Variants in ARHGAP31 observed in about 807,000 individuals in gnomAD.
ARHGAP31 encodes the protein Rho GTPase activating protein 31, also known as rho GTPase-activating protein 31.
A neutral mutation model predicts 113.9 loss-of-function variants in ARHGAP31; 34 were observed. The ratio of observed to expected loss-of-function variants is 0.30; its 90% confidence interval spans 0.23 to 0.40. ARHGAP31 has a LOEUF of 0.40. ARHGAP31 is among the 10% of genes least tolerant of loss of function. The pLI, the probability that ARHGAP31 is intolerant of heterozygous loss-of-function variation, is 1.00. For synonymous variants in ARHGAP31, 650 were observed against 684.8 expected, an observed-to-expected ratio of 0.95 and a Z score of 0.79; for missense variants, 1,548 against 1,767.1, an observed-to-expected ratio of 0.88 and a Z score of 2.22.
chr3:119,334,948 G>A (rs1187948020), intron 1 of ARHGAP31, among the ~76,000 whole-genome samples: 1 of 152,122 alleles, frequency 6.6e-6, no homozygotes, highest in Non-Finnish European at 1.5e-5. Flanking sequence ...TGACCAGTAA[G>A]ATAAAGGAAT....
rs74280520 is a variant in ARHGAP31, at chr3:119,312,520, G to A, written c.100+17516G>A. ...TTCCCCAGTTTGAGAAACAATGCAG[G>A]ATGTGATTTAATAAGGAATAAACAC... On this transcript the variant is annotated intron_variant, in intron 1 of 11. Coordinates refer to ENST00000264245, the MANE Select transcript of ARHGAP31 (RefSeq NM_020754.4). Among the ~76,000 whole-genome samples the A allele has an allele frequency of 5.6e-3, 847 of 152,218 alleles. 15 individuals are homozygous for A. The East Asian group carries it at 0.061, about 11-fold the overall frequency.
At chr3:119,378,054 C>T (rs1406593826) in intron 3 of ARHGAP31, among the ~76,000 whole-genome samples, 2 of 152,092 alleles carry the variant, frequency 1.3e-5, no homozygotes, top group Non-Finnish European at 2.9e-5. Context: ...CAGCGTCCTC[C>T]AAGGGCAGGA....
intron 1 of ARHGAP31, among the ~76,000 whole-genome samples, chr3:119,321,100 T>G (rs1411818063): frequency 2.0e-5 from 3 of 152,092 alleles, no homozygotes. Context: ...ATCAGCAGTG[T>G]GAAAACGAAC....
intron 1 of ARHGAP31, among the ~76,000 whole-genome samples, chr3:119,323,035 A>C (rs1299290269): frequency 2.0e-5 from 3 of 152,072 alleles, no homozygotes; most frequent in Non-Finnish European, 2.9e-5. Context: ...CAGCAACGTC[A>C]AGGCCACGTT....
chr3:119,406,646 T>C (rs966152886), intron 10 of ARHGAP31, among the ~76,000 whole-genome samples: 1 of 152,194 alleles, frequency 6.6e-6, no homozygotes, highest in Non-Finnish European at 1.5e-5. Flanking sequence ...AAGGCACCTA[T>C]CTCAGATGTC....
At chr3:119,337,493 A>G (rs920674388) in intron 1 of ARHGAP31, among the ~76,000 whole-genome samples, 4 of 152,224 alleles carry the variant, frequency 2.6e-5, no homozygotes, top group African/African-American at 9.6e-5. Flanking sequence ...CAAAGCTTCC[A>G]CAATACTGAC....
chr3:119,295,021 T>C lies in ARHGAP31; in HGVS notation c.100+17T>C, dbSNP rs954190924. On this transcript the variant is annotated intron_variant, in intron 1 of 11. Transcript: ENST00000264245. ...GACAGGATGGTAATGTGCCTTGGCC[T>C]TTCTCCCCCGCCCCCACCTTCTTTT... The C allele has an allele frequency of 1.9e-6, 3 of 1,611,056 alleles. No homozygotes were observed. The highest frequency in any genetic ancestry group is 2.5e-6 in the Non-Finnish European group (3 of 1,177,556).
chr3:119,378,345 G>A (rs916258985), intron 3 of ARHGAP31, among the ~76,000 whole-genome samples: 1 of 152,142 alleles, frequency 6.6e-6, no homozygotes, highest in Admixed American at 6.5e-5. Flanking sequence ...TTCTGGAGAG[G>A]GTTGGGGTAG....
At chr3:119,367,995 C>G (rs573174253) in intron 2 of ARHGAP31, among the ~76,000 whole-genome samples, 1 of 152,094 alleles carries the variant, frequency 6.6e-6, no homozygotes, top group Non-Finnish European at 1.5e-5. Context: ...GTTTCGGTCT[C>G]TCCTGTAAGA....
chr3:119,305,156 A>G (rs1034808047), intron 1 of ARHGAP31, among the ~76,000 whole-genome samples: 1 of 152,214 alleles, frequency 6.6e-6, no homozygotes, highest in Non-Finnish European at 1.5e-5. Flanking sequence ...TCTGTGCAAC[A>G]TTAAATTCTC....
chr3:119,355,656 C>A (rs1269701351), intron 1 of ARHGAP31, among the ~76,000 whole-genome samples: 1 of 152,068 alleles, frequency 6.6e-6, no homozygotes, highest in East Asian at 1.9e-4. Flanking sequence ...TCACGACAGG[C>A]CCCGGTGTGT....
chr3:119,332,627 TCTCTCTCTCACACACA>T (rs1455476022), intron 1 of ARHGAP31, among the ~76,000 whole-genome samples: 35 of 121,312 alleles, frequency 2.9e-4, no homozygotes, highest in African/African-American at 1.1e-3. Context: ...TCTCTCTCTC[TCTCTCTCTCACACACA>T]CACACACACA....
Position 119,402,344 on chromosome 3 carries a change from A to G in ARHGAP31, c.1592A>G (p.Glu531Gly). 1 of 1,613,930 alleles carries G rather than the reference A, an allele frequency of 6.2e-7. No individual in the cohort carries two copies. The highest frequency in any genetic ancestry group is 8.5e-7 in the Non-Finnish European group (1 of 1,180,048). ...GAAGAGTTTTCTTTTCATGGATCAG[A>G]GAGCGGAGGCTGGCCAGAAGAAGAG... ...SLEEFSFHGS[E>G]SGGWPEEEKP... The change falls in exon 10 of 12, where the codon GAG becomes GGG. Residue 531 changes from glutamate to glycine, a missense_variant. By Grantham distance (98) the Glu-to-Gly change is moderately conservative (BLOSUM62 -2). Transcript: ENST00000264245.
chr3:119,404,797 A>C (rs114020718), intron 10 of ARHGAP31, among the ~76,000 whole-genome samples: 255 of 152,324 alleles, frequency 1.7e-3, no homozygotes, highest in Non-Finnish European at 3.2e-3. Context: ...CTCTGAATGA[A>C]AAAATTGAAG....
At position 119,355,490 on chromosome 3, in the gene ARHGAP31, C is replaced by CT. The variant is rs750466966; in HGVS notation, c.101-9817dup. Among the ~76,000 whole-genome samples the CT allele has an allele frequency of 7.4e-4, 108 of 145,620 alleles. 1 individual carries two copies. The highest frequency in any genetic ancestry group is 5.4e-3 in the Admixed American group (79 of 14,742). ...GTTTTCTTTTTTTTTTTTTTAATTT[C>CT]TTTTTTTTTATTATACTTTAAGTTT... is the stretch of plus-strand genomic sequence containing the variant. On this transcript the variant is annotated intron_variant, in intron 1 of 11. Coordinates refer to ENST00000264245, the MANE Select transcript of ARHGAP31 (RefSeq NM_020754.4).
At chr3:119,304,238 G>A (rs1010866816) in intron 1 of ARHGAP31, among the ~76,000 whole-genome samples, 1 of 152,130 alleles carries the variant, frequency 6.6e-6, no homozygotes, top group African/African-American at 2.4e-5. Flanking sequence ...ATTCAAAGAG[G>A]GAAAACAACT....
At chr3:119,318,289 T>A (rs1289319547) in intron 1 of ARHGAP31, among the ~76,000 whole-genome samples, 1 of 152,184 alleles carries the variant, frequency 6.6e-6, no homozygotes, top group African/African-American at 2.4e-5. Flanking sequence ...CAGCAGTTTC[T>A]ACGAAGTTTT....
intron 1 of ARHGAP31, among the ~76,000 whole-genome samples, chr3:119,326,921 T>C (rs1263265545): frequency 6.6e-6 from 1 of 152,172 alleles, no homozygotes; most frequent in Non-Finnish European, 1.5e-5. Flanking sequence ...GTGGATCACT[T>C]GAGCTCACAA....
intron 1 of ARHGAP31, among the ~76,000 whole-genome samples, chr3:119,311,679 A>C (rs2079684616): frequency 6.6e-6 from 1 of 152,162 alleles, no homozygotes; most frequent in Admixed American, 6.5e-5. Flanking sequence ...ATGGACATCA[A>C]ATGCCACCAT....
Sources: allele counts gnomAD v4.1 joint callset (sites outside exome capture counted in the v4.1 genomes callset), GRCh38; gene constraint gnomAD v4.1.1; transcripts MANE v1.5; gene names NCBI Gene and HGNC (gene_info 2026-07-23, HGNC 2026-07-21).